Variants in CTNNA3 observed in about 807,000 individuals in gnomAD.
The protein encoded by CTNNA3 is catenin alpha-3.
Under a neutral mutation model 95.7 loss-of-function variants are expected in CTNNA3, and 76 were observed. The observed-to-expected ratio is 0.79, with a 90% CI of 0.66 to 0.96. The LOEUF (loss-of-function observed/expected upper bound fraction) is 0.96, where lower values mean the gene tolerates loss of function less well. Ranked by LOEUF, CTNNA3 falls within the 40% of genes least tolerant of loss-of-function variation. The pLI is 0.00. For missense variants in CTNNA3, 1,191 were observed against 1,089.8 expected (o/e 1.09, Z -1.31); for synonymous variants, 431 against 374.4 (o/e 1.15, Z -1.74).
At chr10:66,174,673 G>T (rs1310073364) in intron 13 of CTNNA3, among the ~76,000 whole-genome samples, 2 of 151,818 alleles carry the variant, frequency 1.3e-5, no homozygotes, top group Non-Finnish European at 1.5e-5. Flanking sequence ...CTAATTTTTT[G>T]AATATACAGG....
chr10:66,496,697 T>C (rs1041276658), intron 11 of CTNNA3, among the ~76,000 whole-genome samples: 1 of 152,176 alleles, frequency 6.6e-6, no homozygotes, highest in African/African-American at 2.4e-5. Context: ...TAGTTGACAG[T>C]GAACACACGA....
At chr10:67,058,790 C>A (rs1346957019) in intron 7 of CTNNA3, among the ~76,000 whole-genome samples, 1 of 152,138 alleles carries the variant, frequency 6.6e-6, no homozygotes, top group African/African-American at 2.4e-5. Flanking sequence ...CATCACAGAG[C>A]ATCTACAAAC....
intron 11 of CTNNA3, among the ~76,000 whole-genome samples, chr10:66,438,457 C>A (rs921479763): frequency 2.0e-5 from 3 of 152,132 alleles, no homozygotes; most frequent in Non-Finnish European, 4.4e-5. Context: ...CTTTGGTGGG[C>A]CCCACCCAGT....
At chr10:66,265,914 T>A (rs1349810461) in intron 13 of CTNNA3, among the ~76,000 whole-genome samples, 1 of 152,048 alleles carries the variant, frequency 6.6e-6, no homozygotes, top group Non-Finnish European at 1.5e-5. Flanking sequence ...ATCTGTCTTA[T>A]CTATCTCCAT....
chr10:66,173,809 C>A (rs1381465635), intron 13 of CTNNA3, among the ~76,000 whole-genome samples: 4 of 152,110 alleles, frequency 2.6e-5, no homozygotes, highest in Non-Finnish European at 5.9e-5. Flanking sequence ...TATTTATATT[C>A]ATAGCTACAA....
At chr10:66,551,481 A>G (rs920844958) in intron 10 of CTNNA3, among the ~76,000 whole-genome samples, 1 of 152,054 alleles carries the variant, frequency 6.6e-6, no homozygotes, top group East Asian at 1.9e-4. Flanking sequence ...GAGCTTCTTG[A>G]TGCTATAAAC....
chr10:67,684,824 T>C (rs1197616574), intron 1 of CTNNA3, among the ~76,000 whole-genome samples: 1 of 152,198 alleles, frequency 6.6e-6, no homozygotes, highest in African/African-American at 2.4e-5. Flanking sequence ...AATAGCAAGA[T>C]TGCTGTCATG....
intron 13 of CTNNA3, among the ~76,000 whole-genome samples, chr10:66,140,837 T>G (rs2083575812): frequency 6.6e-6 from 1 of 152,358 alleles, no homozygotes; most frequent in Admixed American, 6.5e-5. Context: ...ATCTTCTCTC[T>G]TACTTTAGTC....
rs28889571 is a variant in CTNNA3 at position 67,564,028 on chromosome 10, C to T, written c.293-24359G>A. On this transcript the variant is annotated intron_variant, in intron 3 of 17. Coordinates refer to ENST00000433211, the MANE Select transcript of CTNNA3 (RefSeq NM_013266.4). ...GAGAGGATGTGGAGAAATAGGAACA[C>T]TTTAACACTGTTGGTGGGACTGTAA... 1.4e-5 allele frequency among the ~76,000 whole-genome samples: 2 copies of T among 146,634 alleles called. 1 individual carries two copies. Among genetic ancestry groups the T allele is most frequent in the South Asian group, 4.6e-4 (2 of 4,352 alleles).
At chr10:66,463,177 G>T (rs746305151) in intron 11 of CTNNA3, among the ~76,000 whole-genome samples, 17 of 152,144 alleles carry the variant, frequency 1.1e-4, no homozygotes, top group Admixed American at 3.9e-4. Context: ...CAATGTTGGA[G>T]GTTGGGCCTT....
intron 7 of CTNNA3, among the ~76,000 whole-genome samples, chr10:67,079,385 T>C (rs1856916522): frequency 6.6e-6 from 1 of 152,206 alleles, no homozygotes; most frequent in Non-Finnish European, 1.5e-5. Flanking sequence ...TTCCTAGATA[T>C]AATATCTAAC....
intron 2 of CTNNA3, among the ~76,000 whole-genome samples, chr10:67,608,244 T>C (rs939710194): frequency 1.3e-5 from 2 of 152,176 alleles, no homozygotes; most frequent in Non-Finnish European, 2.9e-5. Context: ...TGTTTCTCCC[T>C]CTCCTAATAT....
At chr10:66,792,479 A>C (rs1397376715) in intron 7 of CTNNA3, among the ~76,000 whole-genome samples, 5 of 152,162 alleles carry the variant, frequency 3.3e-5, no homozygotes, top group Admixed American at 2.6e-4. Context: ...ACAAGCTCCC[A>C]GGTGGTACTC....
intron 3 of CTNNA3, among the ~76,000 whole-genome samples, chr10:67,544,209 T>C (rs1191174850): frequency 6.6e-6 from 1 of 152,186 alleles, no homozygotes; most frequent in Non-Finnish European, 1.5e-5. Flanking sequence ...TTAAAAGTTA[T>C]AATTTGCTTC....
At chr10:66,159,835 AT>A (rs1242717711) in intron 13 of CTNNA3, among the ~76,000 whole-genome samples, 1 of 151,614 alleles carries the variant, frequency 6.6e-6, no homozygotes, top group Non-Finnish European at 1.5e-5. Context: ...TAATTTTTCA[AT>A]TACTATTTCA....
intron 5 of CTNNA3, among the ~76,000 whole-genome samples, chr10:67,353,442 T>C (rs1231646792): frequency 6.6e-6 from 1 of 151,638 alleles, no homozygotes; most frequent in Non-Finnish European, 1.5e-5. Context: ...TTTATTATTG[T>C]ATTTTAAAAG....
At chr10:66,700,054 T>C (rs890725116) in intron 9 of CTNNA3, among the ~76,000 whole-genome samples, 1 of 152,266 alleles carries the variant, frequency 6.6e-6, no homozygotes, top group African/African-American at 2.4e-5. Flanking sequence ...GATTATTAAC[T>C]CCTTGTCAGA....
chr10:66,407,134 C>G (rs939774473), intron 11 of CTNNA3, among the ~76,000 whole-genome samples: 8 of 151,612 alleles, frequency 5.3e-5, no homozygotes, highest in Non-Finnish European at 8.8e-5. Context: ...ACCCAATTAG[C>G]TTCGGTAGAA....
intron 5 of CTNNA3, among the ~76,000 whole-genome samples, chr10:67,374,793 C>G (rs1169219158): frequency 6.6e-6 from 1 of 152,042 alleles, no homozygotes; most frequent in Non-Finnish European, 1.5e-5. Context: ...ACATAAGCTA[C>G]TTGAAGAGAA....
Sources: allele counts gnomAD v4.1 joint callset (sites outside exome capture counted in the v4.1 genomes callset), GRCh38; gene constraint gnomAD v4.1.1; transcripts MANE v1.5; gene names NCBI Gene and HGNC (gene_info 2026-07-23, HGNC 2026-07-21).